The following SNRPD1 variants were observed in gnomAD, a reference collection of about 807,000 sequenced individuals.
The protein encoded by SNRPD1 is small nuclear ribonucleoprotein Sm D1.
In SNRPD1, 1 loss-of-function variant was observed where a neutral mutation model predicts 14.4. The ratio of observed to expected loss-of-function variants is 0.07; its 90% CI spans 0.02 to 0.33. SNRPD1 has a LOEUF of 0.33. Ranked by LOEUF, SNRPD1 falls within the 10% of genes least tolerant of loss-of-function variation. The pLI, the probability that SNRPD1 is intolerant of heterozygous loss-of-function variation, is 1.00. For synonymous variants in SNRPD1, 42 were observed against 50.3 expected (o/e 0.83, Z 0.70); for missense variants, 52 against 146.4 (o/e 0.36, Z 3.33).
intron 1 of SNRPD1, among the ~76,000 whole-genome samples, chr18:21,621,652 A>G (rs913723374): frequency 6.6e-6 from 1 of 151,892 alleles, no homozygotes; most frequent in Non-Finnish European, 1.5e-5. Context: ...ATCTTGGCTG[A>G]CTGCAATCTC....
At chr18:21,616,890 T>A (rs1288533565) in intron 1 of SNRPD1, among the ~76,000 whole-genome samples, 2 of 136,380 alleles carry the variant, frequency 1.5e-5, no homozygotes, top group East Asian at 4.6e-4. Context: ...ATTTCACCAC[T>A]TTGGCCAGGC....
chr18:21,625,203 C>G (rs1050822023), intron 3 of SNRPD1, among the ~76,000 whole-genome samples: 1 of 151,810 alleles, frequency 6.6e-6, no homozygotes, highest in Non-Finnish European at 1.5e-5. Flanking sequence ...AGCCCCCCGC[C>G]TCATATCATC....
At chr18:21,617,158 AAATC>A (rs2038963764) in intron 1 of SNRPD1, among the ~76,000 whole-genome samples, 1 of 152,148 alleles carries the variant, frequency 6.6e-6, no homozygotes, top group Non-Finnish European at 1.5e-5. Context: ...CCTTTGTAAA[AAATC>A]AACCATATAA....
intron 1 of SNRPD1, 82 bp downstream of exon 1, chr18:21,612,525 C>T: frequency 1.8e-6 from 2 of 1,125,824 alleles, no homozygotes; most frequent in South Asian, 1.9e-5. Flanking sequence ...CTCCCATTTG[C>T]AGGAGGCGGG....
At position 21,632,395 on chromosome 18, in the gene SNRPD1, G is replaced by A. The variant is rs916123475; in HGVS notation, c.*3257G>A. The A allele has an allele frequency of 9.2e-5, 14 of 151,680 alleles. No individual in the cohort carries two copies. The highest frequency in any genetic ancestry group is 1.3e-4 in the Non-Finnish European group (9 of 67,980). 9.4% of individuals were successfully genotyped at this position (151,680 alleles called of 1,614,324 possible). On this transcript the variant is annotated 3_prime_UTR_variant, in exon 4 of 4. Transcript: ENST00000300413. ...AATCACTTGAACCCTGGAGGCAGAGGTTGCAGTGAGCTGAGATCACACCAC... is the reference window on the plus strand; with the variant it reads ...AATCACTTGAACCCTGGAGGCAGAGATTGCAGTGAGCTGAGATCACACCAC...
Position 21,629,080 on chromosome 18 carries a change from G to A in SNRPD1, c.302G>A (p.Gly101Glu), listed in dbSNP as rs2039061128. ...CCTTCAGTTGCAGGAAGAGGCAGAG[G>A]AAGAGGAAGAGGAAGAGGACGTGGC... ...KREAVAGRGR[G>E]RGRGRGRGRG... Residue 101 changes from glycine (G) to glutamate (E), a missense_variant, in exon 4 of 4, where the codon GGA becomes GAA. Coordinates refer to ENST00000300413, the MANE Select transcript of SNRPD1 (RefSeq NM_006938.4). The A allele has an allele frequency of 6.2e-7, 1 of 1,612,428 alleles. No homozygotes were observed. The highest frequency in any genetic ancestry group is 8.5e-7 in the Non-Finnish European group (1 of 1,178,698).
intron 1 of SNRPD1, among the ~76,000 whole-genome samples, chr18:21,615,418 C>T (rs946925149): frequency 6.6e-6 from 1 of 152,018 alleles, no homozygotes; most frequent in African/African-American, 2.4e-5. Context: ...GAGTTTGAAA[C>T]CAGCCTGACC....
At chr18:21,612,495 G>A in intron 1 of SNRPD1, 52 bp downstream of exon 1, 1 of 1,381,174 alleles carries the variant, frequency 7.2e-7, no homozygotes, top group Non-Finnish European at 9.7e-7. Flanking sequence ...GGCTTGGCCC[G>A]GAGTCCGGAA....
chr18:21,630,892 T>A lies in SNRPD1; in HGVS notation c.*1754T>A, dbSNP rs891169483. On this transcript the variant is annotated 3_prime_UTR_variant, in exon 4 of 4. Coordinates refer to ENST00000300413, the MANE Select transcript of SNRPD1 (RefSeq NM_006938.4). ...CTGTCATATATATTAGATATATAAA[T>A]GTATATATTGGTATAAATAAATACT... is the stretch of plus-strand genomic sequence containing the variant. 9 of 149,560 alleles carry A rather than the reference T, an allele frequency of 6.0e-5. No individual in the cohort carries two copies. Among genetic ancestry groups the A allele is most frequent in the Admixed American group, 2.0e-4 (3 of 14,906 alleles). 9.3% of individuals were successfully genotyped at this position (149,560 alleles called of 1,614,324 possible). A position where few individuals can be genotyped will look rare whatever the true frequency, so the allele number is the denominator to read the frequency against.
intron 3 of SNRPD1, among the ~76,000 whole-genome samples, chr18:21,626,750 C>T (rs1392311508): frequency 4.0e-5 from 6 of 150,764 alleles, no homozygotes; most frequent in Non-Finnish European, 7.4e-5. Flanking sequence ...CGCACTACTG[C>T]ACTCCAGCCT....
chr18:21,612,332 T>C lies in SNRPD1; in HGVS notation c.-98T>C. The C allele has an allele frequency of 1.1e-6, 1 of 898,148 alleles. No homozygotes were observed. The highest frequency in any genetic ancestry group is 1.6e-6 in the Non-Finnish European group (1 of 608,272). 55.6% of individuals were successfully genotyped at this position (898,148 alleles called of 1,614,324 possible). A position where few individuals can be genotyped will look rare whatever the true frequency, so the allele number is the denominator to read the frequency against. On this transcript the variant is annotated 5_prime_UTR_variant, in exon 1 of 4. Transcript: ENST00000300413. ...GCGCGCTCTTGACGTCCGGAGCCCC[T>C]GGAGTAGGCGCTTCCGGCCATTCAT...
At chr18:21,616,838 A>G (rs187780797) in intron 1 of SNRPD1, among the ~76,000 whole-genome samples, 5 of 151,282 alleles carry the variant, frequency 3.3e-5, no homozygotes, top group African/African-American at 1.2e-4. Context: ...GGCATGTGCC[A>G]CTATGCCTGG....
intron 3 of SNRPD1, among the ~76,000 whole-genome samples, chr18:21,624,417 C>T (rs2039020561): frequency 2.0e-5 from 3 of 149,450 alleles, no homozygotes; most frequent in African/African-American, 7.4e-5. Context: ...TGTGGTCGGG[C>T]AGGGTGGCTC....
rs1040199488 is a variant in SNRPD1, at chr18:21,624,008, A to G, written c.283+69A>G. 92 of 888,412 alleles carry G rather than the reference A, an allele frequency of 1.0e-4. No individual in the cohort carries two copies. In the African/African-American group the frequency reaches 1.4e-3, roughly 14 times the overall value. The allele number at this position is 888,412 out of a possible 1,614,324, so 55.0% of individuals were successfully genotyped here. On this transcript the variant is annotated intron_variant, in intron 3 of 3. Transcript: ENST00000300413. ...AATCCACACTATTCATAATATAGAT[A>G]TTATTTGCAAACAACACAAGTGTCT... is the stretch of plus-strand genomic sequence containing the variant.
chr18:21,629,026 G>C, intron 3 of SNRPD1, 36 bp from the exon 4 acceptor site: 1 of 1,535,692 alleles, frequency 6.5e-7, no homozygotes, highest in Non-Finnish European at 9.0e-7. Flanking sequence ...TGGTGCAGGA[G>C]AGAATTGAAC....
intron 3 of SNRPD1, among the ~76,000 whole-genome samples, chr18:21,628,341 C>G (rs2039055800): frequency 6.6e-6 from 1 of 152,060 alleles, no homozygotes; most frequent in Admixed American, 6.6e-5. Flanking sequence ...AATTACACTC[C>G]AGATGGGACT....
At chr18:21,618,319 C>A (rs759355545) in intron 1 of SNRPD1, among the ~76,000 whole-genome samples, 1 of 151,506 alleles carries the variant, frequency 6.6e-6, no homozygotes, top group Non-Finnish European at 1.5e-5. Context: ...TCAGAAAAAA[C>A]CTAAACTAAA....
At chr18:21,624,558 G>T (rs2039021685) in intron 3 of SNRPD1, among the ~76,000 whole-genome samples, 3 of 151,734 alleles carry the variant, frequency 2.0e-5, no homozygotes, top group African/African-American at 7.3e-5. Context: ...AGGCGTGGTG[G>T]TGCGTGCCTT....
intron 1 of SNRPD1, among the ~76,000 whole-genome samples, chr18:21,620,687 C>G (rs1347106466): frequency 6.6e-6 from 1 of 151,788 alleles, no homozygotes; most frequent in Non-Finnish European, 1.5e-5. Context: ...ATTATGTATC[C>G]CAGGAGGGTG....
Sources: gnomAD v4.1 joint callset for allele counts (sites outside exome capture counted in the v4.1 genomes callset) on GRCh38, gnomAD v4.1.1 for gene constraint, MANE v1.5 for transcripts, NCBI Gene and HGNC (gene_info 2026-07-23, HGNC 2026-07-21) for gene names.